Variants in PAFAH1B1 observed in about 807,000 individuals in gnomAD.
PAFAH1B1 encodes platelet-activating factor acetylhydrolase IB subunit beta.
In PAFAH1B1, 2 loss-of-function variants were observed where a neutral mutation model predicts 57.5. The ratio of observed to expected loss-of-function variants is 0.03; its 90% confidence interval spans 0.01 to 0.11. The LOEUF (loss-of-function observed/expected upper bound fraction) is 0.11. Among genes scored for constraint, PAFAH1B1 ranks in the 10% least tolerant of loss-of-function variants. The pLI is 1.00. For missense variants in PAFAH1B1, 257 were observed against 512.0 expected (o/e 0.50, Z 4.81); for synonymous variants, 152 against 169.6 (o/e 0.90, Z 0.81).
chr17:2,619,176 G>T (rs2068387030), intron 1 of PAFAH1B1, among the ~76,000 whole-genome samples: 2 of 151,846 alleles, frequency 1.3e-5, no homozygotes, highest in South Asian at 2.1e-4. Context: ...TTGAGACAGG[G>T]TCTCACTGTG....
intron 1 of PAFAH1B1, among the ~76,000 whole-genome samples, chr17:2,637,416 CA>C (rs10712058): frequency 0.83 from 125,828 of 151,464 alleles, 52,660 homozygotes; most frequent in African/African-American, 0.95. Context: ...CCTGTCTCTA[CA>C]AAAAAAAAAT....
At chr17:2,679,075 T>C (rs1400679565) in intron 9 of PAFAH1B1, among the ~76,000 whole-genome samples, 1 of 152,222 alleles carries the variant, frequency 6.6e-6, no homozygotes, top group Non-Finnish European at 1.5e-5. Context: ...CATGTTCAAC[T>C]GTGCAGTTCT....
intron 1 of PAFAH1B1, among the ~76,000 whole-genome samples, chr17:2,616,440 C>T (rs11078273): frequency 0.17 from 26,536 of 151,982 alleles, 2,929 homozygotes; most frequent in Non-Finnish European, 0.26. Flanking sequence ...GCTGACAGGC[C>T]GGGGACCTGG....
intron 2 of PAFAH1B1, chr17:2,641,206 C>CA (rs753422031): frequency 3.3e-5 from 5 of 151,892 alleles, no homozygotes; most frequent in Non-Finnish European, 7.4e-5. Context: ...CTGGAGTGCA[C>CA]AGAGTGCAGT....
rs2069407205 is a variant in PAFAH1B1 at position 2,682,941 on chromosome 17, C to A, written c.*1139C>A. 1 of 152,620 alleles carries A rather than the reference C, an allele frequency of 6.6e-6. No homozygotes were observed. The highest frequency in any genetic ancestry group is 1.5e-5 in the Non-Finnish European group (1 of 68,034). 9.5% of individuals were successfully genotyped at this position (152,620 alleles called of 1,614,324 possible). The stretch of plus-strand genomic sequence containing the variant: ...TGGGCCTATCTGTAAGTGGATAAGT[C>A]TGTATGTGTGTATCATACACATCAA... On this transcript the variant is annotated 3_prime_UTR_variant, in exon 11 of 11. Coordinates refer to ENST00000397195, the MANE Select transcript of PAFAH1B1 (RefSeq NM_000430.4).
chr17:2,681,080 C>T (rs1382024389), intron 10 of PAFAH1B1: 2 of 153,192 alleles, frequency 1.3e-5, no homozygotes, highest in African/African-American at 2.4e-5. Context: ...ATGGTGACCT[C>T]CTGGGAACAG....
At chr17:2,646,609 G>C (rs931917783) in intron 2 of PAFAH1B1, among the ~76,000 whole-genome samples, 4 of 152,130 alleles carry the variant, frequency 2.6e-5, no homozygotes, top group Non-Finnish European at 4.4e-5. Context: ...CCAAGGTTGC[G>C]CACTCCAGCC....
Position 2,683,855 on chromosome 17 carries a change from G to A in PAFAH1B1, c.*2053G>A, listed in dbSNP as rs1006263272. The A allele has an allele frequency of 6.6e-6, 1 of 152,512 alleles. No homozygotes were observed. The highest frequency in any genetic ancestry group is 1.5e-5 in the Non-Finnish European group (1 of 68,022). The allele number at this position is 152,512 out of a possible 1,614,324, so 9.4% of individuals were successfully genotyped here. The stretch of plus-strand genomic sequence containing the variant: ...TGAGAAATATAAATACATAGAAATG[G>A]TGCATCTTAACATTTGTTTGTACAT... On this transcript the variant is annotated 3_prime_UTR_variant, in exon 11 of 11. Coordinates refer to ENST00000397195, the MANE Select transcript of PAFAH1B1 (RefSeq NM_000430.4).
intron 2 of PAFAH1B1, among the ~76,000 whole-genome samples, chr17:2,655,608 C>G (rs1372014561): frequency 6.6e-6 from 1 of 152,020 alleles, no homozygotes; most frequent in African/African-American, 2.4e-5. Context: ...GTGCCACAGC[C>G]CTCCAGCCTA....
chr17:2,671,590 C>T (rs980429335), intron 6 of PAFAH1B1, among the ~76,000 whole-genome samples: 2 of 141,850 alleles, frequency 1.4e-5, no homozygotes, highest in East Asian at 2.0e-4. Flanking sequence ...TTACCCCCAA[C>T]ACCACCTTTT....
intron 1 of PAFAH1B1, among the ~76,000 whole-genome samples, chr17:2,623,980 C>T (rs529486697): frequency 6.6e-6 from 1 of 152,322 alleles, no homozygotes; most frequent in Non-Finnish European, 1.5e-5. Context: ...TTCAAACACC[C>T]AGGTCACCTT....
At chr17:2,672,523 T>C in intron 6 of PAFAH1B1, 132 bp from the exon 7 acceptor site, 1 of 676,490 alleles carries the variant, frequency 1.5e-6, no homozygotes, top group Non-Finnish European at 2.6e-6. Flanking sequence ...TTATCCAATT[T>C]GTATAAAATC....
At position 2,620,595 on chromosome 17, in the gene PAFAH1B1, T is replaced by A. The variant is rs547580545; in HGVS notation, c.-190-17504T>A. On this transcript the variant is annotated intron_variant, in intron 1 of 10. Coordinates refer to ENST00000397195, the MANE Select transcript of PAFAH1B1 (RefSeq NM_000430.4). ...AGAAAGTAGCGTGGCCGGGCGCCGTTGCTCATGCCTGTAATCCCAGCACTT... is the reference window on the plus strand; with the variant it reads ...AGAAAGTAGCGTGGCCGGGCGCCGTAGCTCATGCCTGTAATCCCAGCACTT... Among the ~76,000 whole-genome samples, 67 of 152,212 alleles carry A rather than the reference T, an allele frequency of 4.4e-4. 2 individuals carry two copies. In the South Asian group the frequency reaches 0.013, roughly 30 times the overall value.
intron 1 of PAFAH1B1, among the ~76,000 whole-genome samples, chr17:2,597,412 T>TTG (rs2068095944): frequency 7.3e-6 from 1 of 136,328 alleles, no homozygotes; most frequent in African/African-American, 2.8e-5. Context: ...TCTTTTTTTT[T>TTG]TTTTTTTTTT....
intron 2 of PAFAH1B1, among the ~76,000 whole-genome samples, chr17:2,647,964 G>T: frequency 6.6e-6 from 1 of 152,130 alleles, no homozygotes; most frequent in East Asian, 1.9e-4. Context: ...AGATCATGCC[G>T]CTGCACTCCA....
At chr17:2,605,822 T>C (rs2068199078) in intron 1 of PAFAH1B1, among the ~76,000 whole-genome samples, 1 of 152,216 alleles carries the variant, frequency 6.6e-6, no homozygotes, top group South Asian at 2.1e-4. Context: ...AGCCTAGGAA[T>C]GGTACCTAGA....
intron 2 of PAFAH1B1, among the ~76,000 whole-genome samples, chr17:2,655,955 C>T (rs143786866): frequency 0.012 from 1,839 of 152,104 alleles, 35 homozygotes; most frequent in African/African-American, 0.042. Flanking sequence ...ACTGAGTCTC[C>T]ATCTGTCACC....
Position 2,593,682 on chromosome 17 carries a change from C to G in PAFAH1B1, c.-515C>G. ...CGGAGCTGGAGCGGCGGGGCGGCGG[C>G]GGAGTCCGGCGGCCGGGAGAGCGAG... On this transcript the variant is annotated 5_prime_UTR_variant, in exon 1 of 11. Transcript: ENST00000397195. The G allele has an allele frequency of 8.2e-6, 2 of 243,684 alleles. No homozygotes were observed. The highest frequency in any genetic ancestry group is 7.2e-5 in the East Asian group (1 of 13,890). The allele number at this position is 243,684 out of a possible 1,614,324, so 15.1% of individuals were successfully genotyped here.
At chr17:2,619,830 A>G (rs982449949) in intron 1 of PAFAH1B1, among the ~76,000 whole-genome samples, 1 of 152,128 alleles carries the variant, frequency 6.6e-6, no homozygotes, top group Non-Finnish European at 1.5e-5. Context: ...CCCATGCTGG[A>G]GTACCGTGGT....
Sources: allele counts gnomAD v4.1 joint callset (sites outside exome capture counted in the v4.1 genomes callset), GRCh38; gene constraint gnomAD v4.1.1; transcripts MANE v1.5; gene names NCBI Gene and HGNC (gene_info 2026-07-23, HGNC 2026-07-21).